Variants in IL18R1 observed in about 807,000 individuals in gnomAD.
IL18R1 encodes interleukin-18 receptor 1.
Under a neutral mutation model 48.5 loss-of-function variants are expected in IL18R1, and 40 were observed. The observed-to-expected ratio is 0.82, with a 90% CI of 0.64 to 1.07. The LOEUF (loss-of-function observed/expected upper bound fraction) is 1.07. Ranked by LOEUF, IL18R1 falls within the 50% of genes least tolerant of loss-of-function variation. IL18R1 has a pLI of 0.00. For synonymous variants in IL18R1, 232 were observed against 225.9 expected (o/e 1.03, Z -0.24); for missense variants, 596 against 633.7 (o/e 0.94, Z 0.64).
At chr2:102,362,584 C>G in intron 1 of IL18R1, 49 bp from the exon 2 acceptor site, 1 of 1,279,324 alleles carries the variant, frequency 7.8e-7, no homozygotes, top group Non-Finnish European at 1.1e-6. Context: ...AAGATAGGCA[C>G]ACTTTTGTTT....
At chr2:102,368,660 C>T (rs1024702465) in intron 3 of IL18R1, among the ~76,000 whole-genome samples, 3 of 152,112 alleles carry the variant, frequency 2.0e-5, no homozygotes, top group African/African-American at 7.2e-5. Context: ...CTAGATTGTG[C>T]CAGAATACTC....
chr2:102,368,703 C>T (rs1679057949), intron 3 of IL18R1, among the ~76,000 whole-genome samples: 1 of 152,166 alleles, frequency 6.6e-6, no homozygotes, highest in African/African-American at 2.4e-5. Flanking sequence ...ATGAAATGAG[C>T]ACAGCCAACT....
At chr2:102,393,786 T>A (rs953495431) in intron 9 of IL18R1, among the ~76,000 whole-genome samples, 1 of 152,212 alleles carries the variant, frequency 6.6e-6, no homozygotes, top group Admixed American at 6.5e-5. Flanking sequence ...CATTGCATTT[T>A]TTAGGACCTG....
At chr2:102,368,136 T>C in intron 3 of IL18R1, 68 bp downstream of exon 3, 1 of 1,549,808 alleles carries the variant, frequency 6.5e-7, no homozygotes. Flanking sequence ...AACTCAAATA[T>C]GCAGTAATCT....
At chr2:102,393,641 T>G (rs547768908) in intron 9 of IL18R1, among the ~76,000 whole-genome samples, 1 of 152,178 alleles carries the variant, frequency 6.6e-6, no homozygotes, top group Non-Finnish European at 1.5e-5. Flanking sequence ...AGTAGCAAAT[T>G]CATTAATCCC....
intron 8 of IL18R1, among the ~76,000 whole-genome samples, chr2:102,388,216 C>T (rs920125796): frequency 2.6e-5 from 4 of 152,170 alleles, no homozygotes; most frequent in Admixed American, 6.5e-5. Context: ...GTTTTAGAGC[C>T]GCCTCTCTAC....
At chr2:102,376,571 C>G (rs896810964) in intron 5 of IL18R1, among the ~76,000 whole-genome samples, 4 of 152,112 alleles carry the variant, frequency 2.6e-5, no homozygotes, top group Non-Finnish European at 5.9e-5. Flanking sequence ...GGAGGAAGGA[C>G]AGATGCAGGA....
intron 6 of IL18R1, among the ~76,000 whole-genome samples, chr2:102,384,416 A>G (rs1680104427): frequency 6.6e-6 from 1 of 152,366 alleles, no homozygotes; most frequent in South Asian, 2.1e-4. Context: ...CTTCCATGGA[A>G]TGAAATGGCC....
intron 1 of IL18R1, among the ~76,000 whole-genome samples, chr2:102,359,222 C>T (rs1678434885): frequency 6.6e-6 from 1 of 152,040 alleles, no homozygotes; most frequent in Non-Finnish European, 1.5e-5. Flanking sequence ...TAGTTACTCC[C>T]TATCTTCATG....
intron 2 of IL18R1, among the ~76,000 whole-genome samples, chr2:102,365,865 A>G (rs547792724): frequency 2.6e-4 from 40 of 152,152 alleles, no homozygotes; most frequent in Non-Finnish European, 4.1e-4. Flanking sequence ...CTGACCTGGT[A>G]TCTTGGCCTG....
At chr2:102,382,363 TTTGA>T (rs1679970600) in intron 6 of IL18R1, among the ~76,000 whole-genome samples, 1 of 152,166 alleles carries the variant, frequency 6.6e-6, no homozygotes, top group African/African-American at 2.4e-5. Flanking sequence ...GGTGTGAATG[TTTGA>T]TTAATTGATT....
rs907326332 is a variant in IL18R1, at chr2:102,379,056, C to T, written c.626-2564C>T. Among the ~76,000 whole-genome samples the T allele has an allele frequency of 4.6e-5, 7 of 152,290 alleles. No homozygotes were observed. The East Asian group carries it at 5.8e-4, about 13-fold the overall frequency. ...GTGGTGGAAAGGTGTGATACCTCTC[C>T]TCCCCATCCTAAGGGTCATGGCAAT... On this transcript the variant is annotated intron_variant, in intron 5 of 10. Transcript: ENST00000233957.
chr2:102,374,821 T>G (rs1679481398), intron 4 of IL18R1, among the ~76,000 whole-genome samples: 2 of 151,936 alleles, frequency 1.3e-5, no homozygotes, highest in Non-Finnish European at 2.9e-5. Context: ...ATTTAAATTA[T>G]GAGCATTGGT....
At chr2:102,394,131 G>A (rs1385095910) in intron 9 of IL18R1, among the ~76,000 whole-genome samples, 1 of 152,078 alleles carries the variant, frequency 6.6e-6, no homozygotes, top group African/African-American at 2.4e-5. Context: ...GAGTAAACCA[G>A]GGTGAGATTT....
intron 9 of IL18R1, among the ~76,000 whole-genome samples, chr2:102,393,208 C>T (rs1385311127): frequency 6.6e-6 from 1 of 152,128 alleles, no homozygotes; most frequent in African/African-American, 2.4e-5. Context: ...AGTGGAAGCA[C>T]TAGCTCTTAC....
At chr2:102,365,407 G>A (rs910641969) in intron 2 of IL18R1, among the ~76,000 whole-genome samples, 5 of 152,154 alleles carry the variant, frequency 3.3e-5, no homozygotes, top group Non-Finnish European at 5.9e-5. Flanking sequence ...TCCAGGTCAC[G>A]CTGCTGCAAG....
At chr2:102,364,399 G>A (rs542495799) in intron 2 of IL18R1, among the ~76,000 whole-genome samples, 1 of 152,302 alleles carries the variant, frequency 6.6e-6, no homozygotes, top group South Asian at 2.1e-4. Flanking sequence ...TAACAATCAT[G>A]TCAAAATAAC....
At chr2:102,395,990 G>C (rs1680806161) in intron 10 of IL18R1, among the ~76,000 whole-genome samples, 1 of 152,206 alleles carries the variant, frequency 6.6e-6, no homozygotes, top group African/African-American at 2.4e-5. Context: ...GCCCTTTGCA[G>C]AAAAAGTTTG....
chr2:102,391,918 T>C (rs984382244), intron 9 of IL18R1, among the ~76,000 whole-genome samples: 2 of 152,226 alleles, frequency 1.3e-5, no homozygotes, highest in Non-Finnish European at 2.9e-5. Flanking sequence ...TTATTTTGCG[T>C]ATTTATTTCT....
Sources: allele counts gnomAD v4.1 joint callset (sites outside exome capture counted in the v4.1 genomes callset), GRCh38; gene constraint gnomAD v4.1.1; transcripts MANE v1.5; gene names NCBI Gene and HGNC (gene_info 2026-07-23, HGNC 2026-07-21).